Variants in MYO10 observed in about 807,000 individuals in gnomAD.
MYO10 encodes the protein unconventional myosin-X.
MYO10 carries 133 observed loss-of-function variants against 257.3 expected under a neutral mutation model. That is an observed-to-expected ratio of 0.52 (90% CI 0.45 to 0.60). The LOEUF (loss-of-function observed/expected upper bound fraction) is 0.60. Among genes scored for constraint, MYO10 ranks in the 20% least tolerant of loss-of-function variants. The pLI, the probability that MYO10 is intolerant of heterozygous loss-of-function variation, is 0.00. For synonymous variants in MYO10, 1,104 were observed against 1,028.6 expected (o/e 1.07, Z -1.40); for missense variants, 2,399 against 2,635.7 (o/e 0.91, Z 1.97).
chr5:16,924,417 A>G (rs958485649), intron 1 of MYO10, among the ~76,000 whole-genome samples: 1 of 152,162 alleles, frequency 6.6e-6, no homozygotes, highest in Non-Finnish European at 1.5e-5. Flanking sequence ...ACATCATGAC[A>G]GGGTCTCTCA....
intron 2 of MYO10, among the ~76,000 whole-genome samples, chr5:16,839,594 T>C (rs1166116141): frequency 6.6e-6 from 1 of 151,874 alleles, no homozygotes; most frequent in African/African-American, 2.4e-5. Flanking sequence ...AATACAAAAA[T>C]TAGCCAGGCA....
In MYO10 at chr5:16,672,672, A is replaced by G. The variant is rs1736524276; in HGVS notation, c.5309+17T>C. The G allele has an allele frequency of 6.2e-7, 1 of 1,613,676 alleles. No individual in the cohort carries two copies. The highest frequency in any genetic ancestry group is 1.3e-5 in the African/African-American group (1 of 74,934). ...CTCTTATTTGCTCTTCTGACACAGT[A>G]GGGAAAAGGAACCTACTTTTCAAAC... On this transcript the variant is annotated intron_variant, in intron 37 of 40. Transcript: ENST00000513610.
At chr5:16,833,839 T>C (rs775689328) in intron 2 of MYO10, among the ~76,000 whole-genome samples, 10 of 152,312 alleles carry the variant, frequency 6.6e-5, no homozygotes, top group Middle Eastern at 6.8e-3. Flanking sequence ...CACATAAGTA[T>C]TGTACACATT....
At chr5:16,772,971 T>A (rs1445407765) in intron 9 of MYO10, among the ~76,000 whole-genome samples, 2 of 152,178 alleles carry the variant, frequency 1.3e-5, no homozygotes, top group African/African-American at 2.4e-5. Flanking sequence ...GGCAGAGGAT[T>A]CCCTTTTATC....
chr5:16,919,834 C>A (rs555716007), intron 1 of MYO10, among the ~76,000 whole-genome samples: 9 of 152,094 alleles, frequency 5.9e-5, no homozygotes, highest in African/African-American at 2.2e-4. Flanking sequence ...AAAATTAGGC[C>A]GGGTGTGGTG....
chr5:16,762,676 T>C (rs772734216), intron 14 of MYO10, 39 bp from the exon 15 acceptor site: 3 of 1,454,810 alleles, frequency 2.1e-6, no homozygotes, highest in Non-Finnish European at 2.8e-6. Flanking sequence ...AAAAGTTGAA[T>C]GTGGCTGGGT....
intron 9 of MYO10, among the ~76,000 whole-genome samples, chr5:16,778,245 C>G (rs977397507): frequency 2.0e-5 from 3 of 152,006 alleles, no homozygotes; most frequent in African/African-American, 7.3e-5. Context: ...CTGTTCGCAA[C>G]GCTCGATGAC....
chr5:16,795,528 G>A (rs1023044602), intron 3 of MYO10, among the ~76,000 whole-genome samples: 3 of 152,166 alleles, frequency 2.0e-5, no homozygotes, highest in African/African-American at 7.2e-5. Flanking sequence ...TTGAACCCAG[G>A]AGCCAGAGGT....
At chr5:16,935,054 G>A (rs1746396652) in intron 1 of MYO10, among the ~76,000 whole-genome samples, 2 of 152,158 alleles carry the variant, frequency 1.3e-5, no homozygotes, top group Non-Finnish European at 1.5e-5. Flanking sequence ...GATCCCAAAG[G>A]GGGAAAAAGG....
At chr5:16,711,805 C>G (rs1561201952) in intron 19 of MYO10, among the ~76,000 whole-genome samples, 1 of 151,760 alleles carries the variant, frequency 6.6e-6, no homozygotes, top group Non-Finnish European at 1.5e-5. Context: ...AAAGGAAAAT[C>G]CCAAACATCG....
At chr5:16,810,501 C>T (rs1347002599) in intron 3 of MYO10, among the ~76,000 whole-genome samples, 2 of 152,152 alleles carry the variant, frequency 1.3e-5, no homozygotes, top group African/African-American at 2.4e-5. Context: ...CTTTCAGAAA[C>T]CTTTAAACAG....
At chr5:16,844,087 C>T (rs1561014145) in intron 2 of MYO10, among the ~76,000 whole-genome samples, 1 of 152,226 alleles carries the variant, frequency 6.6e-6, no homozygotes, top group Non-Finnish European at 1.5e-5. Flanking sequence ...AAATCACAAT[C>T]CATTTGCTTT....
chr5:16,744,282 T>C (rs934060617), intron 19 of MYO10, among the ~76,000 whole-genome samples: 5 of 152,212 alleles, frequency 3.3e-5, no homozygotes, highest in Non-Finnish European at 7.3e-5. Context: ...AGCTGTATCA[T>C]GTCCCCATGA....
intron 4 of MYO10, among the ~76,000 whole-genome samples, chr5:16,790,608 C>T (rs544239257): frequency 6.6e-6 from 1 of 152,250 alleles, no homozygotes; most frequent in East Asian, 1.9e-4. Flanking sequence ...TGCCTGCTTC[C>T]ATCCATGTAA....
At chr5:16,683,799 G>A (rs777238860) in intron 30 of MYO10, 81 bp downstream of exon 30, 1 of 1,396,812 alleles carries the variant, frequency 7.2e-7, no homozygotes, top group South Asian at 1.2e-5. Context: ...CTGTGAAGAG[G>A]GTCGTGACCC....
At chr5:16,922,727 T>C (rs956298994) in intron 1 of MYO10, among the ~76,000 whole-genome samples, 6 of 152,152 alleles carry the variant, frequency 3.9e-5, no homozygotes, top group Admixed American at 1.3e-4. Flanking sequence ...TCTGGACAGG[T>C]GGGTTTTACA....
chr5:16,892,478 C>A (rs1213452999), intron 1 of MYO10, among the ~76,000 whole-genome samples: 1 of 151,940 alleles, frequency 6.6e-6, no homozygotes, highest in Non-Finnish European at 1.5e-5. Flanking sequence ...CCCGTCACTA[C>A]AAAAAAATTC....
At chr5:16,877,140 A>G (rs1744626205) in intron 2 of MYO10, among the ~76,000 whole-genome samples, 1 of 151,374 alleles carries the variant, frequency 6.6e-6, no homozygotes, top group Non-Finnish European at 1.5e-5. Flanking sequence ...TGTGACATCG[A>G]TATTTGCTCT....
intron 34 of MYO10, among the ~76,000 whole-genome samples, chr5:16,675,770 A>C (rs182675469): frequency 2.0e-5 from 3 of 152,250 alleles, no homozygotes; most frequent in Admixed American, 2.0e-4. Flanking sequence ...GGCTACTCTC[A>C]GTTCATGGGG....
Sources: gnomAD v4.1 joint callset for allele counts (sites outside exome capture counted in the v4.1 genomes callset) on GRCh38, gnomAD v4.1.1 for gene constraint, MANE v1.5 for transcripts, NCBI Gene and HGNC (gene_info 2026-07-23, HGNC 2026-07-21) for gene names.